GPM6B: variants seen among roughly 807,000 people sequenced by gnomAD.
GPM6B encodes neuronal membrane glycoprotein M6-b.
A neutral mutation model predicts 27.2 loss-of-function variants in GPM6B; 4 were observed. The observed-to-expected ratio is 0.15, with a 90% CI of 0.07 to 0.34. GPM6B has a LOEUF of 0.34. Among genes scored for constraint, GPM6B ranks in the 10% least tolerant of loss-of-function variants. The pLI is 1.00. For missense variants in GPM6B, 183 were observed against 261.9 expected (o/e 0.70, Z 2.08); for synonymous variants, 124 against 103.1 (o/e 1.20, Z -1.23).
intron 1 of GPM6B, among the ~76,000 whole-genome samples, chrX:13,862,444 G>A (rs1264385759): frequency 9.0e-6 from 1 of 111,681 alleles, no homozygotes; most frequent in African/African-American, 3.3e-5. Context: ...GTGCTCAGCA[G>A]TCTTGGCTTC....
At chrX:13,823,757 T>C (rs942065150) in intron 1 of GPM6B, among the ~76,000 whole-genome samples, 2 of 111,818 alleles carry the variant, frequency 1.8e-5, no homozygotes, top group African/African-American at 6.5e-5. Context: ...TGACCTCAAG[T>C]GATCCGCCTG....
At chrX:13,786,908 C>T (rs1335439702) in intron 2 of GPM6B, among the ~76,000 whole-genome samples, 1 of 109,405 alleles carries the variant, frequency 9.1e-6, no homozygotes, top group Non-Finnish European at 1.9e-5. Flanking sequence ...CCTCTCCTAA[C>T]CTCCTGTCTC....
chrX:13,922,273 C>T (rs950771839), intron 1 of GPM6B, among the ~76,000 whole-genome samples: 15 of 111,231 alleles, frequency 1.3e-4, no homozygotes, highest in Non-Finnish European at 2.6e-4. Flanking sequence ...TGGCCTCCAC[C>T]CACTAGATGC....
intron 1 of GPM6B, among the ~76,000 whole-genome samples, chrX:13,851,120 G>A (rs935593268): frequency 5.2e-5 from 5 of 96,516 alleles, no homozygotes; most frequent in Middle Eastern, 6.4e-3. Context: ...CTGAGATTGT[G>A]CCATTGCACT....
chrX:13,865,108 C>T (rs2049894434), intron 1 of GPM6B, among the ~76,000 whole-genome samples: 1 of 111,032 alleles, frequency 9.0e-6, no homozygotes, highest in South Asian at 3.8e-4. Context: ...AGAGTGAAAC[C>T]GTGAATAAAG....
chrX:13,774,886 C>T (rs768783110), intron 7 of GPM6B, among the ~76,000 whole-genome samples: 3 of 112,167 alleles, frequency 2.7e-5, no homozygotes, highest in African/African-American at 9.7e-5. Flanking sequence ...AGACAGAGAG[C>T]TGGGTCAACA....
intron 3 of GPM6B, among the ~76,000 whole-genome samples, chrX:13,784,852 T>G (rs1307402804): frequency 9.0e-6 from 1 of 111,527 alleles, no homozygotes; most frequent in Non-Finnish European, 1.9e-5. Flanking sequence ...TGCCCTGGGA[T>G]CTGCTCTTCT....
At chrX:13,776,026 G>T in intron 7 of GPM6B, 5 of 407,019 alleles carry the variant, frequency 1.2e-5, no homozygotes, top group Non-Finnish European at 1.7e-5. Context: ...TCTTTCCAGA[G>T]TCCAAATTAC....
chrX:13,891,948 C>T (rs60157726), intron 1 of GPM6B, among the ~76,000 whole-genome samples: 1,282 of 111,843 alleles, frequency 0.011, 17 homozygotes, highest in African/African-American at 0.039. Flanking sequence ...AATGAACAAT[C>T]TGAGCAGCTT....
intron 1 of GPM6B, among the ~76,000 whole-genome samples, chrX:13,894,835 T>C (rs1253760548): frequency 8.9e-6 from 1 of 112,081 alleles, no homozygotes; most frequent in Non-Finnish European, 1.9e-5. Flanking sequence ...GGATGAAACA[T>C]AAATCTGCTA....
chrX:13,828,858 C>T (rs191637712), intron 1 of GPM6B, among the ~76,000 whole-genome samples: 34 of 111,868 alleles, frequency 3.0e-4, no homozygotes, highest in Non-Finnish European at 5.6e-4. Flanking sequence ...TATCCATCCC[C>T]CTTGCATGGA....
At chrX:13,895,513 G>A (rs1864560628) in intron 1 of GPM6B, among the ~76,000 whole-genome samples, 1 of 111,080 alleles carries the variant, frequency 9.0e-6, no homozygotes, top group African/African-American at 3.3e-5. Flanking sequence ...AAACCTTTCT[G>A]GAAAGTGACT....
At chrX:13,856,624 T>C (rs1042158294) in intron 1 of GPM6B, among the ~76,000 whole-genome samples, 1 of 112,297 alleles carries the variant, frequency 8.9e-6, no homozygotes, top group South Asian at 3.7e-4. Context: ...ATTTATTCTC[T>C]GAAAGTTCTT....
intron 1 of GPM6B, among the ~76,000 whole-genome samples, chrX:13,827,207 T>G (rs1042500878): frequency 9.5e-6 from 1 of 105,081 alleles, no homozygotes; most frequent in Non-Finnish European, 2.0e-5. Flanking sequence ...CCAAGTCCCC[T>G]CCTGAAAGGC....
intron 1 of GPM6B, among the ~76,000 whole-genome samples, chrX:13,921,581 C>CTTTTT (rs35264990): frequency 0.014 from 1,293 of 92,774 alleles, 30 homozygotes; most frequent in African/African-American, 0.049. Flanking sequence ...AACCCCCCCC[C>CTTTTT]TTTTTTTTTT....
chrX:13,886,634 A>C (rs2050137697), intron 1 of GPM6B, among the ~76,000 whole-genome samples: 1 of 102,076 alleles, frequency 9.8e-6, no homozygotes. Context: ...TCACTTCCCC[A>C]GCCCTGAACA....
intron 1 of GPM6B, among the ~76,000 whole-genome samples, chrX:13,924,120 T>C (rs1317657264): frequency 9.0e-6 from 1 of 111,581 alleles, no homozygotes. Context: ...ACGTCATCAC[T>C]AGCCAACACA....
intron 1 of GPM6B, among the ~76,000 whole-genome samples, chrX:13,913,335 TG>T (rs1262464772): frequency 9.8e-6 from 1 of 102,431 alleles, no homozygotes. Context: ...TTTTTTTTTT[TG>T]TAGAGGCAGG....
chrX:13,861,624 A>T (rs1411613551), intron 1 of GPM6B, among the ~76,000 whole-genome samples: 4 of 112,203 alleles, frequency 3.6e-5, no homozygotes, highest in Non-Finnish European at 7.5e-5. Context: ...GCCGACGAAT[A>T]CTATGCTTTC....
Sources: allele counts gnomAD v4.1 joint callset (sites outside exome capture counted in the v4.1 genomes callset), GRCh38; gene constraint gnomAD v4.1.1; transcripts MANE v1.5; gene names NCBI Gene and HGNC (gene_info 2026-07-23, HGNC 2026-07-21).